Variants in TYK2 observed in about 807,000 individuals in gnomAD.
TYK2 encodes tyrosine kinase 2.
Under a neutral mutation model 130.9 loss-of-function variants are expected in TYK2, and 65 were observed. That is an observed-to-expected ratio of 0.50 (90% CI 0.41 to 0.61). The LOEUF is 0.61. Among genes scored for constraint, TYK2 ranks in the 20% least tolerant of loss-of-function variants. The pLI is 0.00. For missense variants in TYK2, 1,378 were observed against 1,610.7 expected (o/e 0.86, Z 2.47); for synonymous variants, 647 against 658.9 (o/e 0.98, Z 0.28).
Position 10,353,596 on chromosome 19 carries a change from G to A in TYK2, c.2959C>T (p.Arg987Ter). ...VMEYVPLGSL[R>*]DYLPRHSIGL... ...ATGCTGTGCCGGGGCAGGTAGTCTCGGAGGCTGCCCAGGGGCACGTACTCC... is the reference window on the plus strand; with the variant it reads ...ATGCTGTGCCGGGGCAGGTAGTCTCAGAGGCTGCCCAGGGGCACGTACTCC... The change falls in exon 21 of 25, where the codon CGA (arginine) becomes TGA (stop). Residue 987 changes from arginine to a stop codon, truncating the protein, a stop_gained. Coordinates refer to ENST00000525621, the MANE Select transcript of TYK2 (RefSeq NM_003331.5). LOFTEE classifies it high-confidence loss of function. The surrounding 1 kb of genome is among the most constrained non-coding windows in gnomAD (Gnocchi z 6.9). 2 of 1,485,440 alleles carry A rather than the reference G, an allele frequency of 1.3e-6. No individual in the cohort carries two copies. The highest frequency in any genetic ancestry group is 1.4e-5 in the South Asian group (1 of 70,516). The allele number at this position is 1,485,440 out of a possible 1,614,324, so 92.0% of individuals were successfully genotyped here.
chr19:10,378,025 G>A (rs1160488845), intron 3 of TYK2, among the ~76,000 whole-genome samples, 189 bp downstream of exon 3: 48 of 133,222 alleles, frequency 3.6e-4, no homozygotes, highest in African/African-American at 1.3e-3. Flanking sequence ...TGGATGGATG[G>A]GTGGGTGGGT....
rs2041543988 is a variant in TYK2, at chr19:10,364,268, T to C, written c.1367+346A>G. ...GCTCATGCCTGTAATACCAGCACTT[T>C]GGGAGGCCGAGGCGGGTGGATCACC... is the stretch of plus-strand genomic sequence containing the variant. On this transcript the variant is annotated intron_variant, in intron 9 of 24. Coordinates refer to ENST00000525621, the MANE Select transcript of TYK2 (RefSeq NM_003331.5). This position sits in a 1 kb window ranked among gnomAD's most constrained non-coding sequence, Gnocchi z 4.9. Among the ~76,000 whole-genome samples the C allele has an allele frequency of 6.6e-6, 1 of 152,112 alleles. No homozygotes were observed. Among genetic ancestry groups the C allele is most frequent in the Non-Finnish European group, 1.5e-5 (1 of 68,018 alleles).
intron 22 of TYK2, 112 bp downstream of exon 22, chr19:10,352,814 C>T (rs1007630425): frequency 1.4e-5 from 20 of 1,383,998 alleles, no homozygotes; most frequent in Admixed American, 4.3e-5. Flanking sequence ...CGCTAGGCCC[C>T]GCCGCGCTTC....
chr19:10,366,671 C>T, intron 5 of TYK2, 91 bp from the exon 6 acceptor site: 2 of 1,417,968 alleles, frequency 1.4e-6, no homozygotes, highest in Non-Finnish European at 2.0e-6. Flanking sequence ...CCCTGGACCA[C>T]ACTGGAAGAA....
At chr19:10,377,301 C>G (rs186392205) in intron 3 of TYK2, among the ~76,000 whole-genome samples, 1 of 150,232 alleles carries the variant, frequency 6.7e-6, no homozygotes, top group African/African-American at 2.5e-5. Context: ...TAGATGCTTA[C>G]AAAATGTTCA....
At chr19:10,365,110 CT>C (rs2041599807) in intron 7 of TYK2, 62 bp from the exon 8 acceptor site, 1 of 1,496,244 alleles carries the variant, frequency 6.7e-7, no homozygotes, top group Non-Finnish European at 9.0e-7. Context: ...ACCTCCTGCA[CT>C]TTCCCCTGGG....
rs2040927992 is a variant in TYK2 at position 10,353,638 on chromosome 19, A to C, written c.2917T>G (p.Ser973Ala). 1.4e-6 allele frequency: 2 copies of C among 1,467,882 alleles called. No individual in the cohort carries two copies. Among genetic ancestry groups the C allele is most frequent in the East Asian group, 2.4e-5 (1 of 41,732 alleles). The allele number at this position is 1,467,882 out of a possible 1,614,324, so 90.9% of individuals were successfully genotyped here. Residue 973 changes from serine (S) to alanine (A), a missense_variant, in exon 21 of 25, where the codon TCG becomes GCG. Physicochemically the swap from Ser to Ala is moderately conservative, Grantham distance 99 (BLOSUM62 1). Coordinates refer to ENST00000525621, the MANE Select transcript of TYK2 (RefSeq NM_003331.5). This position sits in a 1 kb window ranked among gnomAD's most constrained non-coding sequence, Gnocchi z 6.9. ...ACGTACTCCATGACCAGCTGCAGCG[A>C]CTTCTCGCCTGCCGCGGAGAGGGGC... ...KGCCEDQGEK[S>A]LQLVMEYVPL...
At chr19:10,375,297 G>T (rs189677033) in intron 3 of TYK2, among the ~76,000 whole-genome samples, 45 of 152,260 alleles carry the variant, frequency 3.0e-4, no homozygotes, top group Non-Finnish European at 5.9e-4. Context: ...CTGGAGGAAG[G>T]TATATGTAAC....
chr19:10,363,192 T>C, intron 9 of TYK2, among the ~76,000 whole-genome samples: 1 of 149,938 alleles, frequency 6.7e-6, no homozygotes, highest in South Asian at 2.1e-4. Flanking sequence ...TCTCTCTTTT[T>C]TTTTTTTTTT....
chr19:10,361,542 G>C lies in TYK2; in HGVS notation c.2016C>G (p.Phe672Leu), dbSNP rs1019896036. ...GGCCGCGCACACAGACGCCATGCAC[G>C]AAGGCCAGGTGCGTGTGGGAGACCT... ...MSQVSHTHLAFVHGVCVRGPE... is the reference protein window; with the variant it reads ...MSQVSHTHLALVHGVCVRGPE... The change falls in exon 14 of 25, where the codon TTC becomes TTG. Residue 672 changes from phenylalanine to leucine, a missense_variant. By Grantham distance (22) the Phe-to-Leu change is conservative. Coordinates refer to ENST00000525621, the MANE Select transcript of TYK2 (RefSeq NM_003331.5). The surrounding 1 kb of genome is among the most constrained non-coding windows in gnomAD (Gnocchi z 4.0). 6.5e-7 allele frequency: 1 copy of C among 1,547,346 alleles called. No homozygotes were observed. Among genetic ancestry groups the C allele is most frequent in the African/African-American group, 1.4e-5 (1 of 72,968 alleles).
chr19:10,365,691 G>A lies in TYK2; in HGVS notation c.837C>T (p.His279=), dbSNP rs2041627480. The A allele has an allele frequency of 6.2e-7, 1 of 1,613,348 alleles. No individual in the cohort carries two copies. Among genetic ancestry groups the A allele is most frequent in the Non-Finnish European group, 8.5e-7 (1 of 1,179,884 alleles). ...RFGTERVPVC[H]LRLLAQAEGE... Reference sequence around the variant, plus strand: ...CCTCGGCCTGGGCCAGCAGCCTCAGGTGGCACACGGGCACACGCTCTGTGC... The same window carrying A: ...CCTCGGCCTGGGCCAGCAGCCTCAGATGGCACACGGGCACACGCTCTGTGC... Residue 279 remains histidine (H), a synonymous_variant, in exon 7 of 25, where the codon CAC becomes CAT. Transcript: ENST00000525621.
At chr19:10,360,470 C>T (rs994520729) in intron 14 of TYK2, among the ~76,000 whole-genome samples, 8 of 151,866 alleles carry the variant, frequency 5.3e-5, no homozygotes, top group Non-Finnish European at 7.4e-5. Context: ...GCATTGCAGC[C>T]GGGGCAACAG....
chr19:10,356,023 GA>G lies in TYK2; in HGVS notation c.2617+544del, dbSNP rs903718759. On this transcript the variant is annotated intron_variant, in intron 18 of 24. Coordinates refer to ENST00000525621, the MANE Select transcript of TYK2 (RefSeq NM_003331.5). ...GAACAATACAAAACTTTTTTAAAAAGAAAAAAAAAACTGCAGTGGTCTAATT... is the reference window on the plus strand; with the variant it reads ...GAACAATACAAAACTTTTTTAAAAAGAAAAAAAAACTGCAGTGGTCTAATT... 1.5e-3 allele frequency among the ~76,000 whole-genome samples: 226 copies of G among 147,154 alleles called. 1 individual carries two copies. Among genetic ancestry groups the G allele is most frequent in the African/African-American group, 5.2e-3 (211 of 40,232 alleles).
intron 3 of TYK2, chr19:10,368,652 A>G: frequency 1.9e-6 from 1 of 531,066 alleles, no homozygotes; most frequent in Admixed American, 3.2e-5. Context: ...AGCCAATTGC[A>G]CTGCTGGTTT....
rs370422411 is a variant in TYK2, at chr19:10,371,868, G to A, written c.194-3450C>T. Among the ~76,000 whole-genome samples the A allele has an allele frequency of 4.6e-5, 7 of 152,260 alleles. No individual in the cohort carries two copies. In the East Asian group the frequency reaches 9.7e-4, roughly 21 times the overall value. ...TGCAATGGTCTCCCCTTTTCCATAT[G>A]ATAAACAAGGCGGCTCTAAACATTC... On this transcript the variant is annotated intron_variant, in intron 3 of 24. Transcript: ENST00000525621.
intron 7 of TYK2, 121 bp downstream of exon 7, chr19:10,365,396 C>G: frequency 2.0e-6 from 3 of 1,490,052 alleles, no homozygotes; most frequent in Non-Finnish European, 2.8e-6. Context: ...GACAGGTGCC[C>G]CAGAGCCATG....
chr19:10,377,656 A>G (rs1306501286), intron 3 of TYK2, among the ~76,000 whole-genome samples: 3 of 278 alleles, frequency 0.011, no homozygotes, highest in African/African-American at 0.016. Flanking sequence ...GGATGGATGA[A>G]TGGGTGGGTA....
intron 7 of TYK2, 28 bp from the exon 8 acceptor site, chr19:10,365,076 A>G: frequency 6.3e-7 from 1 of 1,584,218 alleles, no homozygotes; most frequent in Non-Finnish European, 8.6e-7. Flanking sequence ...GGGGCAGAGG[A>G]TGGAGAGGGC....
chr19:10,353,936 T>C lies in TYK2; in HGVS notation c.2908+106A>G, dbSNP rs2036059745. ...AAGAACCGCGTACTGCAGCCTGGGG[T>C]TGAGAGTCTCTAATTGGCTAGGCCA... On this transcript the variant is annotated intron_variant, in intron 20 of 24. Transcript: ENST00000525621. This position sits in a 1 kb window ranked among gnomAD's most constrained non-coding sequence, Gnocchi z 6.9. The C allele has an allele frequency of 1.3e-5, 16 of 1,227,002 alleles. No homozygotes were observed. In the South Asian group the frequency reaches 2.0e-4, roughly 15 times the overall value. The allele number at this position is 1,227,002 out of a possible 1,614,324, so 76.0% of individuals were successfully genotyped here. A position where few individuals can be genotyped will look rare whatever the true frequency, so the allele number is the denominator to read the frequency against.
Sources: allele counts gnomAD v4.1 joint callset (sites outside exome capture counted in the v4.1 genomes callset), GRCh38; gene constraint gnomAD v4.1.1; non-coding constraint Gnocchi (gnomAD v3.1); transcripts MANE v1.5; gene names NCBI Gene and HGNC (gene_info 2026-07-23, HGNC 2026-07-21).